Variants in RELN observed in about 807,000 individuals in gnomAD.
RELN encodes the protein reelin.
In RELN, 108 loss-of-function variants were observed where a neutral mutation model predicts 427.6. The observed-to-expected ratio is 0.25, with a 90% CI of 0.22 to 0.30. The LOEUF is 0.30. RELN is among the 10% of genes least tolerant of loss of function. RELN has a pLI of 1.00. For synonymous variants in RELN, 1,524 were observed against 1,513.4 expected (o/e 1.01, Z -0.16); for missense variants, 3,715 against 4,302.8 (o/e 0.86, Z 3.82).
intron 6 of RELN, among the ~76,000 whole-genome samples, chr7:103,741,504 G>T (rs369603562): frequency 2.5e-4 from 38 of 151,908 alleles, no homozygotes; most frequent in East Asian, 1.9e-3. Context: ...TCATGTCTGG[G>T]CTTAGAAGGG....
chr7:103,861,300 T>C (rs1185533167), intron 2 of RELN, among the ~76,000 whole-genome samples: 3 of 152,112 alleles, frequency 2.0e-5, no homozygotes, highest in South Asian at 2.1e-4. Flanking sequence ...AATAGGCTCT[T>C]GGGGTTCAAA....
At chr7:103,765,439 C>A (rs550692586) in intron 4 of RELN, among the ~76,000 whole-genome samples, 1 of 152,058 alleles carries the variant, frequency 6.6e-6, no homozygotes, top group Non-Finnish European at 1.5e-5. Context: ...TTCACATATG[C>A]CCACTGGGGA....
At chr7:103,852,377 G>C (rs1481889782) in intron 2 of RELN, among the ~76,000 whole-genome samples, 1 of 152,102 alleles carries the variant, frequency 6.6e-6, no homozygotes, top group African/African-American at 2.4e-5. Flanking sequence ...CAAATTACCT[G>C]TGTTCACATC....
At chr7:103,876,298 G>C (rs1794476359) in intron 2 of RELN, among the ~76,000 whole-genome samples, 1 of 152,046 alleles carries the variant, frequency 6.6e-6, no homozygotes, top group Non-Finnish European at 1.5e-5. Context: ...TCTGTGAAAG[G>C]CCATACACAA....
chr7:103,480,614 G>A (rs79745260), intron 63 of RELN, among the ~76,000 whole-genome samples: 1 of 152,128 alleles, frequency 6.6e-6, no homozygotes, highest in Non-Finnish European at 1.5e-5. Flanking sequence ...TTTATTGAAC[G>A]TAGCTTTGTG....
At chr7:103,533,443 C>T (rs1829983225) in intron 46 of RELN, among the ~76,000 whole-genome samples, 1 of 151,380 alleles carries the variant, frequency 6.6e-6, no homozygotes, top group African/African-American at 2.4e-5. Context: ...ATGTTCGAAA[C>T]AAGTAACTCT....
intron 8 of RELN, among the ~76,000 whole-genome samples, chr7:103,719,029 G>C (rs1384273303): frequency 6.6e-6 from 1 of 152,136 alleles, no homozygotes; most frequent in Non-Finnish European, 1.5e-5. Flanking sequence ...TTGCTCAAGA[G>C]AGAAAGAGGT....
At chr7:103,701,545 C>G (rs1355166575) in intron 8 of RELN, among the ~76,000 whole-genome samples, 1 of 151,962 alleles carries the variant, frequency 6.6e-6, no homozygotes, top group Non-Finnish European at 1.5e-5. Flanking sequence ...TCTCCCATAA[C>G]CCAGCATTAC....
chr7:103,712,726 C>T (rs1789836148), intron 8 of RELN, among the ~76,000 whole-genome samples: 2 of 152,206 alleles, frequency 1.3e-5, no homozygotes, highest in Non-Finnish European at 2.9e-5. Context: ...TTTATAAAAA[C>T]TGGCTTGTGA....
intron 7 of RELN, among the ~76,000 whole-genome samples, chr7:103,727,844 A>AG (rs1790251647): frequency 6.6e-6 from 1 of 152,162 alleles, no homozygotes; most frequent in Non-Finnish European, 1.5e-5. Context: ...GCAAATACTC[A>AG]TATTTTTAAA....
intron 4 of RELN, among the ~76,000 whole-genome samples, chr7:103,754,565 G>A (rs1791086352): frequency 6.6e-6 from 1 of 152,016 alleles, no homozygotes; most frequent in South Asian, 2.1e-4. Flanking sequence ...TTGAGGCCAA[G>A]AGTTTGAGAC....
chr7:103,592,745 A>G (rs1027476291), intron 27 of RELN, among the ~76,000 whole-genome samples: 20 of 152,348 alleles, frequency 1.3e-4, no homozygotes, highest in African/African-American at 4.8e-4. Context: ...AAGGTGTCAG[A>G]TGAGAAACAG....
At position 103,553,742 on chromosome 7, in the gene RELN, A is replaced by G; in HGVS notation, c.5887T>C (p.Phe1963Leu). The G allele has an allele frequency of 6.2e-7, 1 of 1,614,006 alleles. No homozygotes were observed. The highest frequency in any genetic ancestry group is 8.5e-7 in the Non-Finnish European group (1 of 1,179,886). ...NPVMLLDTFD[F>L]GPREDNWFFY... ...AACCAATTGTCTTCTCTGGGCCCAA[A>G]ATCAAATGTATCCAAGAGCATCACA... The change falls in exon 39 of 65, where the codon TTT becomes CTT. Residue 1963 changes from phenylalanine (F) to leucine (L), a missense_variant. Phe to Leu is a conservative substitution (Grantham distance 22). Transcript: ENST00000428762.
At chr7:103,585,303 C>A (rs1210496898) in intron 28 of RELN, among the ~76,000 whole-genome samples, 4 of 152,008 alleles carry the variant, frequency 2.6e-5, no homozygotes, top group African/African-American at 9.7e-5. Flanking sequence ...AGTTGATAGA[C>A]TGCTAGATTA....
intron 64 of RELN, among the ~76,000 whole-genome samples, chr7:103,475,382 A>G (rs892642712): frequency 6.6e-6 from 1 of 151,822 alleles, no homozygotes; most frequent in African/African-American, 2.4e-5. Context: ...TGACCCGTGC[A>G]TGGGTGGTCA....
intron 3 of RELN, among the ~76,000 whole-genome samples, chr7:103,805,248 C>T (rs1369055134): frequency 1.3e-5 from 2 of 152,018 alleles, no homozygotes; most frequent in African/African-American, 2.4e-5. Flanking sequence ...ACTGTGAGTA[C>T]CAAATAAGGC....
intron 2 of RELN, among the ~76,000 whole-genome samples, chr7:103,905,211 C>A (rs958104383): frequency 8.6e-5 from 13 of 151,930 alleles, no homozygotes; most frequent in African/African-American, 3.1e-4. Context: ...AAACTCCTGA[C>A]GAGTGTTCCA....
At chr7:103,875,646 G>A (rs970921064) in intron 2 of RELN, among the ~76,000 whole-genome samples, 5 of 151,956 alleles carry the variant, frequency 3.3e-5, no homozygotes, top group African/African-American at 4.8e-5. Context: ...ATAAACCTAC[G>A]ACTTACTTCT....
intron 2 of RELN, among the ~76,000 whole-genome samples, chr7:103,859,580 AC>A (rs1794024794): frequency 6.6e-6 from 1 of 152,236 alleles, no homozygotes; most frequent in Admixed American, 6.5e-5. Flanking sequence ...GGCGTGAGCC[AC>A]GGCACCCGGC....
Sources: gnomAD v4.1 joint callset for allele counts (sites outside exome capture counted in the v4.1 genomes callset) on GRCh38, gnomAD v4.1.1 for gene constraint, MANE v1.5 for transcripts, NCBI Gene and HGNC (gene_info 2026-07-23, HGNC 2026-07-21) for gene names.